The following CRTC1 variants were observed in gnomAD, a reference collection of about 807,000 sequenced individuals.
The protein encoded by CRTC1 is CREB regulated transcription coactivator 1.
CRTC1 carries 18 observed loss-of-function variants against 66.1 expected under a neutral mutation model. That is an observed-to-expected ratio of 0.27 (90% CI 0.19 to 0.40). CRTC1 has a LOEUF of 0.40. Ranked by LOEUF, CRTC1 falls within the 10% of genes least tolerant of loss-of-function variation. The pLI is 1.00. For missense variants in CRTC1, 669 were observed against 887.9 expected (o/e 0.75, Z 3.13); for synonymous variants, 416 against 398.8 (o/e 1.04, Z -0.51).
chr19:18,764,639 G>C (rs761208869), intron 8 of CRTC1, among the ~76,000 whole-genome samples: 3 of 152,228 alleles, frequency 2.0e-5, no homozygotes, highest in Non-Finnish European at 4.4e-5. Flanking sequence ...GGAATGATGT[G>C]TCAGACCCCA....
Position 18,760,482 on chromosome 19 carries a change from T to C in CRTC1, c.886+254T>C, listed in dbSNP as rs2054589288. ...GGGTTTGAGGGTGTGTGATGGTGCT[T>C]TGGGGAGTCCAGGAGGGAAGCCCTG... On this transcript the variant is annotated intron_variant, in intron 8 of 13. Transcript: ENST00000321949. This position sits in a 1 kb window ranked among gnomAD's most constrained non-coding sequence, Gnocchi z 6.2. Among the ~76,000 whole-genome samples, 1 of 151,942 alleles carries C rather than the reference T, an allele frequency of 6.6e-6. No homozygotes were observed. Among genetic ancestry groups the C allele is most frequent in the African/African-American group, 2.4e-5 (1 of 41,350 alleles).
chr19:18,778,930 G>C lies in CRTC1; in HGVS notation c.*1548G>C, dbSNP rs1216430129. ...GCTCAGGGTCGTGGCAGGTGGACTT[G>C]GAGACACACAGCAGTGTGTGTTTTA... On this transcript the variant is annotated 3_prime_UTR_variant, in exon 14 of 14. Coordinates refer to ENST00000321949, the MANE Select transcript of CRTC1 (RefSeq NM_015321.3). The C allele has an allele frequency of 1.3e-5, 3 of 231,426 alleles. No homozygotes were observed. The highest frequency in any genetic ancestry group is 2.6e-5 in the Non-Finnish European group (3 of 117,018). The allele number at this position is 231,426 out of a possible 1,614,324, so 14.3% of individuals were successfully genotyped here. A position where few individuals can be genotyped will look rare whatever the true frequency, so the allele number is the denominator to read the frequency against.
chr19:18,750,406 G>C (rs2054337381), intron 5 of CRTC1, among the ~76,000 whole-genome samples: 1 of 152,222 alleles, frequency 6.6e-6, no homozygotes, highest in Admixed American at 6.5e-5. Context: ...GTCGCCTCCA[G>C]CTGAGCCATG....
intron 8 of CRTC1, among the ~76,000 whole-genome samples, chr19:18,763,522 A>T (rs2054660640): frequency 6.6e-6 from 1 of 152,220 alleles, no homozygotes; most frequent in Non-Finnish European, 1.5e-5. Context: ...TGTGATCCTC[A>T]TGCACAGCCA....
chr19:18,731,472 A>T (rs1600869671), intron 1 of CRTC1, among the ~76,000 whole-genome samples: 1 of 152,294 alleles, frequency 6.6e-6, no homozygotes, highest in East Asian at 1.9e-4. Flanking sequence ...TAATTCCAGG[A>T]TGATCTCATT....
chr19:18,709,839 C>T (rs961176463), intron 1 of CRTC1, among the ~76,000 whole-genome samples: 5 of 152,194 alleles, frequency 3.3e-5, no homozygotes, highest in African/African-American at 1.2e-4. Context: ...TGGGCTGCTG[C>T]TCCCATGTTG....
chr19:18,768,943 C>T lies in CRTC1; in HGVS notation c.1320+150C>T, dbSNP rs2054801394. 9.9e-7 allele frequency: 1 copy of T among 1,006,782 alleles called. No homozygotes were observed. Among genetic ancestry groups the T allele is most frequent in the Non-Finnish European group, 1.4e-6 (1 of 706,646 alleles). The allele number at this position is 1,006,782 out of a possible 1,614,324, so 62.4% of individuals were successfully genotyped here. A position where few individuals can be genotyped will look rare whatever the true frequency, so the allele number is the denominator to read the frequency against. On this transcript the variant is annotated intron_variant, in intron 10 of 13. Coordinates refer to ENST00000321949, the MANE Select transcript of CRTC1 (RefSeq NM_015321.3). The surrounding 1 kb of genome is among the most constrained non-coding windows in gnomAD (Gnocchi z 5.6). ...TGGGCCCACCTCTCCACGGGGCTAC[C>T]CCTTGGAATCAAACTGAGACTGTCA...
intron 4 of CRTC1, 27 bp downstream of exon 4, chr19:18,747,141 C>G: frequency 1.1e-6 from 1 of 901,656 alleles, no homozygotes; most frequent in Non-Finnish European, 1.7e-6. Flanking sequence ...CCCCCCCCCG[C>G]CCCCTTCTTG....
intron 1 of CRTC1, among the ~76,000 whole-genome samples, chr19:18,695,709 C>A (rs973662402): frequency 6.6e-6 from 1 of 152,020 alleles, no homozygotes; most frequent in Non-Finnish European, 1.5e-5. Flanking sequence ...ACTAAAAATA[C>A]GGAAAATTGG....
Position 18,760,150 on chromosome 19 carries a change from C to T in CRTC1, c.808C>T (p.Pro270Ser). ...TPLDPEEPTF[P>S]ALSSSSSTGN... ...GCTGGACCCCGAGGAGCCCACCTTC[C>T]CTGCACTGAGCAGCTCCAGCAGCAC... Residue 270 changes from proline (P) to serine (S), a missense_variant, in exon 8 of 14, where the codon CCT becomes TCT. Transcript: ENST00000321949. This position sits in a 1 kb window ranked among gnomAD's most constrained non-coding sequence, Gnocchi z 6.2. 8.7e-6 allele frequency: 14 copies of T among 1,613,882 alleles called. No homozygotes were observed. Among genetic ancestry groups the T allele is most frequent in the Non-Finnish European group, 1.1e-5 (13 of 1,179,894 alleles).
chr19:18,729,814 G>A (rs1467620883), intron 1 of CRTC1, among the ~76,000 whole-genome samples: 1 of 152,100 alleles, frequency 6.6e-6, no homozygotes, highest in South Asian at 2.1e-4. Context: ...TCCCAGCCCC[G>A]CAGCCCTGTG....
Position 18,728,815 on chromosome 19 carries a change from C to CTTTTTTTTTTTTTTTTTTTT in CRTC1, c.127-14080_127-14079insTTTTTTTTTTTTTTTTTTTT, listed in dbSNP as rs35465891. ...ACAGGTGTGAGCCACCTCACCTGGCCTTTTTTTTTTTTTTTGAGACAGAGT... is the reference window on the plus strand; with the variant it reads ...ACAGGTGTGAGCCACCTCACCTGGCCTTTTTTTTTTTTTTTTTTTTTTTTTTTTTTTTTTTGAGACAGAGT... On this transcript the variant is annotated intron_variant, in intron 1 of 13. Coordinates refer to ENST00000321949, the MANE Select transcript of CRTC1 (RefSeq NM_015321.3). Among the ~76,000 whole-genome samples, 62 of 79,356 alleles carry CTTTTTTTTTTTTTTTTTTTT rather than the reference C, an allele frequency of 7.8e-4. 4 individuals carry two copies. The highest frequency in any genetic ancestry group is 3.0e-3 in the African/African-American group (51 of 16,924). 52.1% of individuals were successfully genotyped at this position (79,356 alleles called of 152,430 possible).
chr19:18,734,942 GGCCT>G (rs1217696603), intron 1 of CRTC1, among the ~76,000 whole-genome samples: 2 of 152,166 alleles, frequency 1.3e-5, no homozygotes, highest in Non-Finnish European at 2.9e-5. Context: ...ACCCAGCCCC[GGCCT>G]CTGGGAGAAT....
intron 1 of CRTC1, among the ~76,000 whole-genome samples, chr19:18,701,393 C>T (rs893564140): frequency 1.3e-5 from 2 of 152,254 alleles, no homozygotes; most frequent in South Asian, 2.1e-4. Flanking sequence ...GTGCCCGGCC[C>T]GTGGTGGGTG....
intron 5 of CRTC1, among the ~76,000 whole-genome samples, chr19:18,752,461 G>A (rs866648303): frequency 6.6e-6 from 1 of 152,118 alleles, no homozygotes; most frequent in Non-Finnish European, 1.5e-5. Flanking sequence ...TGGGACTACA[G>A]GTGAGCACCA....
In CRTC1 at chr19:18,780,640, C is replaced by T. The variant is rs192325561; in HGVS notation, c.*3258C>T. The T allele has an allele frequency of 1.3e-4, 30 of 227,236 alleles. No individual in the cohort carries two copies. Among genetic ancestry groups the T allele is most frequent in the African/African-American group, 6.4e-4 (29 of 45,072 alleles). The allele number at this position is 227,236 out of a possible 1,614,324, so 14.1% of individuals were successfully genotyped here. On this transcript the variant is annotated 3_prime_UTR_variant, in exon 14 of 14. Transcript: ENST00000321949. The stretch of plus-strand genomic sequence containing the variant: ...TGTGAGCTGGGACCTCGCCTGAGCC[C>T]GGTCAGGTGGGACAGGAGCCTGCCA...
At chr19:18,720,024 T>C (rs2053588694) in intron 1 of CRTC1, among the ~76,000 whole-genome samples, 1 of 152,250 alleles carries the variant, frequency 6.6e-6, no homozygotes, top group South Asian at 2.1e-4. Flanking sequence ...CATTATTCAA[T>C]TGGTGATAAG....
intron 8 of CRTC1, among the ~76,000 whole-genome samples, chr19:18,764,766 C>T (rs1356221301): frequency 6.6e-6 from 1 of 152,106 alleles, no homozygotes; most frequent in East Asian, 1.9e-4. Flanking sequence ...GGCTGTGGGA[C>T]ATAGGGGATA....
intron 1 of CRTC1, among the ~76,000 whole-genome samples, chr19:18,723,370 A>G (rs1311205802): frequency 1.3e-5 from 2 of 151,980 alleles, no homozygotes; most frequent in African/African-American, 2.4e-5. Flanking sequence ...CTTATCTCCA[A>G]TCTCCCCATG....
Sources: gnomAD v4.1 joint callset for allele counts (sites outside exome capture counted in the v4.1 genomes callset) on GRCh38, gnomAD v4.1.1 for gene constraint, Gnocchi (gnomAD v3.1) non-coding constraint, MANE v1.5 for transcripts, NCBI Gene and HGNC (gene_info 2026-07-23, HGNC 2026-07-21) for gene names.